CLK1: variants seen among roughly 807,000 people sequenced by gnomAD.
CLK1 encodes dual specificity protein kinase CLK1.
CLK1 carries 40 observed loss-of-function variants against 60.9 expected under a neutral mutation model. The observed-to-expected ratio is 0.66, with a 90% CI of 0.51 to 0.86. CLK1 has a LOEUF of 0.86. Among genes scored for constraint, CLK1 ranks in the 40% least tolerant of loss-of-function variants. The pLI is 0.00. For synonymous variants in CLK1, 203 were observed against 184.4 expected, an observed-to-expected ratio of 1.10 and a Z score of -0.82; for missense variants, 563 against 606.1, an observed-to-expected ratio of 0.93 and a Z score of 0.75.
At position 200,857,760 on chromosome 2, in the gene CLK1, G is replaced by C. The variant is rs2039067438; in HGVS notation, c.790C>G (p.His264Asp). 6.8e-6 allele frequency: 11 copies of C among 1,611,010 alleles called. No individual in the cohort carries two copies. The highest frequency in any genetic ancestry group is 9.3e-6 in the Non-Finnish European group (11 of 1,178,652). The change falls in exon 7 of 13, where the codon CAT becomes GAT. Residue 264 changes from histidine (H) to aspartate (D), a missense_variant. Physicochemically the swap from His to Asp is moderately conservative, Grantham distance 81. Coordinates refer to ENST00000321356, the MANE Select transcript of CLK1 (RefSeq NM_004071.4). ...ATCTGATATGCCATCTTTCTGATAT[G>C]ATCCAGTCGAAATGGTAGAAAACCA... ...ENGFLPFRLD[H>D]IRKMAYQICK...
At chr2:200,862,458 C>G (rs2039154893) in intron 1 of CLK1, among the ~76,000 whole-genome samples, 1 of 152,014 alleles carries the variant, frequency 6.6e-6, no homozygotes, top group Admixed American at 6.6e-5. Flanking sequence ...GTAATTCTCC[C>G]CGCCCTTGAG....
At chr2:200,859,772 C>A in intron 4 of CLK1, 26 bp from the exon 5 acceptor site, 1 of 1,610,424 alleles carries the variant, frequency 6.2e-7, no homozygotes, top group Non-Finnish European at 8.5e-7. Flanking sequence ...AAATCTCAGT[C>A]ATATCAAGAA....
At chr2:200,864,400 A>G in intron 1 of CLK1, 164 bp downstream of exon 1, 2 of 845,162 alleles carry the variant, frequency 2.4e-6, no homozygotes, top group Non-Finnish European at 3.4e-6. Context: ...CGCGCAGGAA[A>G]GAGGGGCGCG....
chr2:200,856,112 G>A (rs963245906), intron 9 of CLK1, among the ~76,000 whole-genome samples: 2 of 151,186 alleles, frequency 1.3e-5, no homozygotes, highest in East Asian at 2.0e-4. Context: ...TCGCTCTGTC[G>A]CCCAGGCCGG....
chr2:200,860,855 T>A, intron 3 of CLK1: 1 of 1,057,164 alleles, frequency 9.5e-7, no homozygotes, highest in Non-Finnish European at 1.1e-6. Flanking sequence ...GCATACCTAA[T>A]CCTAAATTAT....
At chr2:200,853,535 T>A in intron 12 of CLK1, 86 bp from the exon 13 acceptor site, 4 of 1,222,776 alleles carry the variant, frequency 3.3e-6, no homozygotes, top group Non-Finnish European at 4.5e-6. Context: ...CATATATATA[T>A]AACCACCATA....
At chr2:200,863,676 A>G (rs566191772) in intron 1 of CLK1, among the ~76,000 whole-genome samples, 3 of 152,220 alleles carry the variant, frequency 2.0e-5, no homozygotes, top group African/African-American at 4.8e-5. Context: ...TAATATGGTG[A>G]AACTCTGTCT....
At chr2:200,856,868 T>C (rs755068355) in intron 8 of CLK1, 23 bp downstream of exon 8, 2 of 1,613,928 alleles carry the variant, frequency 1.2e-6, no homozygotes, top group Admixed American at 1.7e-5. Context: ...TAAGATACTT[T>C]ATGAATATTT....
At chr2:200,860,073 A>C in intron 4 of CLK1, 52 bp downstream of exon 4, 3 of 1,598,854 alleles carry the variant, frequency 1.9e-6, no homozygotes, top group Non-Finnish European at 2.6e-6. Context: ...CTTAATCTAT[A>C]TATAGATTAT....
At chr2:200,854,821 A>G (rs952384843) in intron 10 of CLK1, 126 bp from the exon 11 acceptor site, 3 of 813,306 alleles carry the variant, frequency 3.7e-6, no homozygotes, top group Non-Finnish European at 6.2e-6. Context: ...CTACATGGAC[A>G]CGGATAATTG....
At position 200,853,297 on chromosome 2, in the gene CLK1, A is replaced by G. The variant is rs376838508; in HGVS notation, c.*9T>C. 10 of 1,594,796 alleles carry G rather than the reference A, an allele frequency of 6.3e-6. No homozygotes were observed. Among genetic ancestry groups the G allele is most frequent in the Middle Eastern group, 1.7e-4 (1 of 5,778 alleles). On this transcript the variant is annotated 3_prime_UTR_variant, in exon 13 of 13. Coordinates refer to ENST00000321356, the MANE Select transcript of CLK1 (RefSeq NM_004071.4). ...AAGATCTCTTCGAGAGAGCTGTCCA[A>G]TTACAGATCTATATACTTTTCTTCA...
At chr2:200,859,963 C>G in intron 4 of CLK1, 162 bp downstream of exon 4, 8 of 1,426,928 alleles carry the variant, frequency 5.6e-6, no homozygotes, top group Non-Finnish European at 7.3e-6. Flanking sequence ...CATTACATTT[C>G]TAAAGAAAGC....
chr2:200,855,327 A>G (rs2039020657), intron 9 of CLK1, among the ~76,000 whole-genome samples: 2 of 151,894 alleles, frequency 1.3e-5, no homozygotes, highest in African/African-American at 4.8e-5. Context: ...ATATATATAT[A>G]TCTGAATTGG....
intron 11 of CLK1, 32 bp from the exon 12 acceptor site, chr2:200,854,025 T>C (rs142940977): frequency 2.0e-6 from 3 of 1,487,614 alleles, no homozygotes; most frequent in East Asian, 4.6e-5. Context: ...TTCATGTTTA[T>C]AACACTGAAA....
At chr2:200,862,700 C>G (rs2039160886) in intron 1 of CLK1, among the ~76,000 whole-genome samples, 1 of 152,206 alleles carries the variant, frequency 6.6e-6, no homozygotes, top group African/African-American at 2.4e-5. Flanking sequence ...CCCGTTTAAA[C>G]GTGTACCAGA....
chr2:200,856,852 A>C, intron 8 of CLK1, 39 bp downstream of exon 8: 2 of 1,613,556 alleles, frequency 1.2e-6, no homozygotes, highest in Non-Finnish European at 1.7e-6. Context: ...ATAAGCTATT[A>C]AGGCATAAGA....
Position 200,859,690 on chromosome 2 carries a change from C to G in CLK1, c.538G>C (p.Asp180His). Reference protein sequence around the residue: ...GAFGKVVECIDHKAGGRHVAV... With the variant: ...GAFGKVVECIHHKAGGRHVAV... ...ACATGGGAAACTTACGCTTTATGAT[C>G]GATGCACTCCACAACTTTTCCAAAA... The change falls in exon 5 of 13, where the codon GAT becomes CAT. Residue 180 changes from aspartate (D) to histidine (H), a missense_variant. Asp to His is a moderately conservative substitution (Grantham distance 81, BLOSUM62 -1). Around this residue, in one of 3 missense-constraint regions of CLK1, gnomAD observed 360 missense variants for 407.0 expected, o/e 0.88. Coordinates refer to ENST00000321356, the MANE Select transcript of CLK1 (RefSeq NM_004071.4). 3 of 1,612,808 alleles carry G rather than the reference C, an allele frequency of 1.9e-6. No individual in the cohort carries two copies. Among genetic ancestry groups the G allele is most frequent in the Non-Finnish European group, 2.5e-6 (3 of 1,179,370 alleles).
At chr2:200,864,011 G>A (rs2039186366) in intron 1 of CLK1, 3 of 1,411,402 alleles carry the variant, frequency 2.1e-6, no homozygotes, top group Admixed American at 2.5e-5. Flanking sequence ...ACACCACTGA[G>A]GACAAAGCCA....
At chr2:200,864,512 G>C (rs952934662) in intron 1 of CLK1, 52 bp downstream of exon 1, 18 of 414,796 alleles carry the variant, frequency 4.3e-5, no homozygotes, top group Non-Finnish European at 7.3e-5. Flanking sequence ...AGGCGCCCGC[G>C]AGGCTCACAG....
Sources: allele counts gnomAD v4.1 joint callset (sites outside exome capture counted in the v4.1 genomes callset), GRCh38; gene constraint gnomAD v4.1.1; regional missense constraint gnomAD v4.1.1; transcripts MANE v1.5; gene names NCBI Gene and HGNC (gene_info 2026-07-23, HGNC 2026-07-21).